UTP20: variants seen among roughly 807,000 people sequenced by gnomAD.
UTP20 encodes the protein small subunit processome component 20 homolog.
A neutral mutation model predicts 329.5 loss-of-function variants in UTP20; 164 were observed. That is an observed-to-expected ratio of 0.50 (90% confidence interval 0.44 to 0.57). The LOEUF is 0.57. UTP20 is among the 20% of genes least tolerant of loss of function. The probability of loss-of-function intolerance (pLI) is 0.00; values close to 1 mark genes in which losing one functional copy is unlikely to be tolerated. For synonymous variants in UTP20, 1,151 were observed against 1,159.3 expected, an observed-to-expected ratio of 0.99 and a Z score of 0.14; for missense variants, 3,055 against 3,284.2, an observed-to-expected ratio of 0.93 and a Z score of 1.71.
At chr12:101,355,270 C>T in intron 41 of UTP20, 152 bp downstream of exon 41, 4 of 865,124 alleles carry the variant, frequency 4.6e-6, no homozygotes, top group Non-Finnish European at 7.0e-6. Flanking sequence ...CTACTCTTAT[C>T]TCTTCAACTT....
Position 101,338,037 on chromosome 12 carries a change from GT to G in UTP20, c.3642-8del. 6.2e-7 allele frequency: 1 copy of G among 1,611,782 alleles called. No individual in the cohort carries two copies. The highest frequency in any genetic ancestry group is 8.5e-7 in the Non-Finnish European group (1 of 1,178,018). On this transcript the variant is annotated splice_polypyrimidine_tract_variant and intron_variant, in intron 29 of 61. Coordinates refer to ENST00000261637, the MANE Select transcript of UTP20 (RefSeq NM_014503.3). ...TTGAGAATAAGATGATTACTACAAT[GT>G]TTTTTCTTCCAGATATTTCCCTTTG...
chr12:101,359,127 G>C (rs192297733), intron 43 of UTP20, among the ~76,000 whole-genome samples: 1 of 152,018 alleles, frequency 6.6e-6, no homozygotes, highest in Non-Finnish European at 1.5e-5. Context: ...AGTGCACTGC[G>C]ATCTTGGCTT....
At position 101,344,670 on chromosome 12, in the gene UTP20, GT is replaced by G; in HGVS notation, c.4526del (p.Val1509AlafsTer18). ...SIIKKLAALN[V>X]TEKDYREIIH... Reference sequence around the variant, plus strand: ...CATCAAAAAGCTAGCTGCCTTGAATGTCACAGAGAAAGACTATAGAGAAATC... The same window carrying G: ...CATCAAAAAGCTAGCTGCCTTGAATGCACAGAGAAAGACTATAGAGAAATC... On this transcript the variant is annotated frameshift_variant, in exon 36 of 62. Transcript: ENST00000261637. LOFTEE classifies it high-confidence loss of function. 2 of 1,598,874 alleles carry G rather than the reference GT, an allele frequency of 1.3e-6. No homozygotes were observed. The highest frequency in any genetic ancestry group is 1.7e-6 in the Non-Finnish European group (2 of 1,166,094).
At chr12:101,344,450 G>A (rs776472248) in intron 35 of UTP20, 145 bp from the exon 36 acceptor site, 4 of 609,594 alleles carry the variant, frequency 6.6e-6, no homozygotes, top group Non-Finnish European at 1.2e-5. Context: ...TTCTCCCTTA[G>A]GTTTGAAATA....
intron 25 of UTP20, among the ~76,000 whole-genome samples, chr12:101,326,241 A>G (rs1868546373): frequency 6.6e-6 from 1 of 152,196 alleles, no homozygotes; most frequent in African/African-American, 2.4e-5. Context: ...ATTTCAGTGC[A>G]GCACTGGATA....
In UTP20 at chr12:101,321,633, T is replaced by C; in HGVS notation, c.3041+4T>C. The C allele has an allele frequency of 1.2e-6, 2 of 1,612,622 alleles. No homozygotes were observed. The highest frequency in any genetic ancestry group is 2.2e-5 in the South Asian group (2 of 91,012). On this transcript the variant is annotated splice_donor_region_variant and intron_variant, in intron 25 of 61. Coordinates refer to ENST00000261637, the MANE Select transcript of UTP20 (RefSeq NM_014503.3). ...ATCTATTTCCTATTCTGATGAGGTA[T>C]TTATGCTGTTCAAACACTGATTTTT...
chr12:101,366,959 C>CCT (rs113158215), intron 47 of UTP20, among the ~76,000 whole-genome samples: 29,651 of 151,638 alleles, frequency 0.2, 3,517 homozygotes, highest in East Asian at 0.37. Flanking sequence ...CCCATGAGTC[C>CCT]CTCTGAACTA....
In UTP20 at chr12:101,369,704, T is replaced by G. The variant is rs760248810; in HGVS notation, c.6385-17T>G. On this transcript the variant is annotated splice_polypyrimidine_tract_variant and intron_variant, in intron 48 of 61. Transcript: ENST00000261637. ...GTCACATCACAAGTTGGTGGTGTTT[T>G]GTTTTGTTTTTTTCAGGTGATCACA... The G allele has an allele frequency of 1.7e-5, 24 of 1,380,616 alleles. No homozygotes were observed. In the African/African-American group the frequency reaches 2.7e-4, roughly 16 times the overall value. The allele number at this position is 1,380,616 out of a possible 1,614,324, so 85.5% of individuals were successfully genotyped here. A position where few individuals can be genotyped will look rare whatever the true frequency, so the allele number is the denominator to read the frequency against.
chr12:101,358,375 G>GTTATTAAA (rs1869796313), intron 43 of UTP20, among the ~76,000 whole-genome samples: 1 of 152,208 alleles, frequency 6.6e-6, no homozygotes, highest in South Asian at 2.1e-4. Flanking sequence ...ATTAGGCAAT[G>GTTATTAAA]TTATAATTTT....
chr12:101,357,056 C>T lies in UTP20; in HGVS notation c.5665C>T (p.Gln1889Ter). 6.2e-7 allele frequency: 1 copy of T among 1,613,096 alleles called. No individual in the cohort carries two copies. Residue 1889 changes from glutamine to a stop codon, truncating the protein, a stop_gained, in exon 43 of 62, where the codon CAG (glutamine) becomes TAG (stop). Coordinates refer to ENST00000261637, the MANE Select transcript of UTP20 (RefSeq NM_014503.3). LOFTEE classifies it high-confidence loss of function. Reference sequence around the variant, plus strand: ...CCTCCTATATGTTTTAAAAGAATTACAGACTACTCTTGTCCGTGGATACCA... The same window carrying T: ...CCTCCTATATGTTTTAAAAGAATTATAGACTACTCTTGTCCGTGGATACCA... The part of the protein sequence containing the change: ...HFLLYVLKEL[Q>*]TTLVRGYQVH...
chr12:101,344,351 T>A (rs1310771157), intron 35 of UTP20, among the ~76,000 whole-genome samples: 1 of 152,226 alleles, frequency 6.6e-6, no homozygotes, highest in African/African-American at 2.4e-5. Flanking sequence ...CAAGGACATT[T>A]CATAGTGCTG....
In UTP20 at chr12:101,286,234, A is replaced by G. The variant is rs1292190218; in HGVS notation, c.327-87A>G. On this transcript the variant is annotated intron_variant, in intron 4 of 61. Coordinates refer to ENST00000261637, the MANE Select transcript of UTP20 (RefSeq NM_014503.3). ...GAAGTATTTTTATTTAATTAATCCT[A>G]TGATCATAGGCCACCTACTATCGTT... is the stretch of plus-strand genomic sequence containing the variant. 1.4e-5 allele frequency: 17 copies of G among 1,211,618 alleles called. No homozygotes were observed. The East Asian group carries it at 3.8e-4, about 27-fold the overall frequency. The allele number at this position is 1,211,618 out of a possible 1,614,324, so 75.1% of individuals were successfully genotyped here.
intron 59 of UTP20, 67 bp downstream of exon 59, chr12:101,383,380 G>A (rs1870719077): frequency 1.3e-6 from 2 of 1,520,462 alleles, no homozygotes; most frequent in Admixed American, 1.9e-5. Context: ...AATGATATTA[G>A]TGATCCTCCT....
Position 101,343,038 on chromosome 12 carries a change from T to C in UTP20, c.4394T>C (p.Ile1465Thr). 3 of 1,613,290 alleles carry C rather than the reference T, an allele frequency of 1.9e-6. No homozygotes were observed. In the South Asian group the frequency reaches 3.3e-5, roughly 18 times the overall value. Residue 1465 changes from isoleucine (I) to threonine (T), a missense_variant, in exon 35 of 62, where the codon ATT (isoleucine) becomes ACT (threonine). Physicochemically the swap from Ile to Thr is moderately conservative, Grantham distance 89. Transcript: ENST00000261637. ...TITSYIKEMQ[I>T]VDVNYLIPVM... is the part of the protein sequence containing the mutation. Reference sequence around the variant, plus strand: ...ACCTCTTACATTAAAGAAATGCAAATTGTGGATGTTAACTACCTAATTCCA... The same window carrying C: ...ACCTCTTACATTAAAGAAATGCAAACTGTGGATGTTAACTACCTAATTCCA...
intron 31 of UTP20, among the ~76,000 whole-genome samples, 165 bp from the exon 32 acceptor site, chr12:101,340,358 A>C (rs1593439483): frequency 6.6e-6 from 1 of 152,226 alleles, no homozygotes; most frequent in Non-Finnish European, 1.5e-5. Flanking sequence ...AGCACAGCTA[A>C]GTAACTGAGG....
chr12:101,385,932 TTAAAAG>T, intron 61 of UTP20, 30 bp from the exon 62 acceptor site: 1 of 1,503,418 alleles, frequency 6.7e-7, no homozygotes, highest in Non-Finnish European at 9.0e-7. Flanking sequence ...AACATTTACT[TTAAAAG>T]TAATATAAAA....
At chr12:101,298,920 T>C (rs1364315012) in intron 12 of UTP20, among the ~76,000 whole-genome samples, 1 of 151,930 alleles carries the variant, frequency 6.6e-6, no homozygotes, top group Non-Finnish European at 1.5e-5. Flanking sequence ...TTTTGGTGAA[T>C]TTTAATGATA....
At chr12:101,284,359 T>A (rs1330454510) in intron 2 of UTP20, among the ~76,000 whole-genome samples, 2 of 152,222 alleles carry the variant, frequency 1.3e-5, no homozygotes, top group Non-Finnish European at 2.9e-5. Context: ...TTTCTGTTCC[T>A]ATGTTAATTT....
At chr12:101,322,866 C>A (rs1381620143) in intron 25 of UTP20, among the ~76,000 whole-genome samples, 1 of 151,982 alleles carries the variant, frequency 6.6e-6, no homozygotes, top group Non-Finnish European at 1.5e-5. Context: ...ATTACAGAAA[C>A]AATAAAAATA....
Sources: allele counts gnomAD v4.1 joint callset (sites outside exome capture counted in the v4.1 genomes callset), GRCh38; gene constraint gnomAD v4.1.1; transcripts MANE v1.5; gene names NCBI Gene and HGNC (gene_info 2026-07-23, HGNC 2026-07-21).